Variants in RAB9B observed in about 807,000 individuals in gnomAD.
RAB9B encodes the protein RAB9B, member RAS oncogene family, also known as ras-related protein Rab-9B.
RAB9B carries 1 observed loss-of-function variant against 8.9 expected under a neutral mutation model. The ratio of observed to expected loss-of-function variants is 0.11; its 90% CI spans 0.04 to 0.53. The LOEUF is 0.53. Ranked by LOEUF, RAB9B falls within the 20% of genes least tolerant of loss-of-function variation. The pLI, the probability that RAB9B is intolerant of heterozygous loss-of-function variation, is 0.93. For missense variants in RAB9B, 82 were observed against 152.9 expected, an observed-to-expected ratio of 0.54 and a Z score of 2.45; for synonymous variants, 63 against 57.0, an observed-to-expected ratio of 1.10 and a Z score of -0.47.
At chrX:103,804,288 T>C in the RAB9B span, among the ~76,000 whole-genome samples, 1 of 112,397 alleles carries the variant, frequency 8.9e-6, no homozygotes, top group East Asian at 2.8e-4. Context: ...GGCAGTCTTT[T>C]TGAAAATAGA....
At chrX:103,805,897 A>G in the RAB9B span, among the ~76,000 whole-genome samples, 1 of 110,634 alleles carries the variant, frequency 9.0e-6, no homozygotes, top group East Asian at 2.8e-4. Flanking sequence ...GATTTTCTCT[A>G]TTGCTTTTCT....
chrX:103,784,366 G>A, the RAB9B span, among the ~76,000 whole-genome samples: 9 of 111,684 alleles, frequency 8.1e-5, no homozygotes, highest in Non-Finnish European at 1.5e-4. Flanking sequence ...GAATCTCAGC[G>A]TATAACTGAG....
the RAB9B span, among the ~76,000 whole-genome samples, chrX:103,797,675 G>A: frequency 1.8e-5 from 2 of 111,418 alleles, no homozygotes; most frequent in Non-Finnish European, 1.9e-5. Context: ...GAACAGAGGT[G>A]TGGGTTTTGG....
At chrX:103,809,736 A>G in the RAB9B span, among the ~76,000 whole-genome samples, 6 of 111,338 alleles carry the variant, frequency 5.4e-5, no homozygotes, top group Admixed American at 9.5e-5. Flanking sequence ...GCCATGCAGC[A>G]TGGTAGTTCA....
chrX:103,784,204 A>G, the RAB9B span, among the ~76,000 whole-genome samples: 1 of 111,735 alleles, frequency 8.9e-6, no homozygotes, highest in African/African-American at 3.3e-5. Flanking sequence ...CAACACTGGC[A>G]TAGGGCCTGG....
chrX:103,793,642 C>A, the RAB9B span, among the ~76,000 whole-genome samples: 1 of 103,960 alleles, frequency 9.6e-6, no homozygotes, highest in Non-Finnish European at 2.0e-5. Context: ...GAACCGAAAG[C>A]CAGTTCCCAA....
At chrX:103,808,066 C>T in the RAB9B span, among the ~76,000 whole-genome samples, 203 of 111,779 alleles carry the variant, frequency 1.8e-3, no homozygotes, top group African/African-American at 6.0e-3. Context: ...CTAGTTCTAG[C>T]TCTGGTATTA....
At chrX:103,793,716 T>C in the RAB9B span, among the ~76,000 whole-genome samples, 1 of 110,663 alleles carries the variant, frequency 9.0e-6, no homozygotes, top group East Asian at 2.9e-4. Flanking sequence ...ATAGATGGAG[T>C]TTCTAGGCTC....
At chrX:103,786,257 C>A in the RAB9B span, 23 of 1,121,192 alleles carry the variant, frequency 2.1e-5, no homozygotes, top group Non-Finnish European at 2.7e-5. Flanking sequence ...GCGGGAGGGG[C>A]ATATGTTTCT....
rs2074670156 is a variant in RAB9B at position 103,823,321 on chromosome X, T to C, written c.*1858A>G. 8.9e-6 allele frequency: 1 copy of C among 112,111 alleles called. No homozygotes were observed. The highest frequency in any genetic ancestry group is 9.5e-5 in the Admixed American group (1 of 10,557). The allele number at this position is 112,111 out of a possible 1,213,427, so 9.2% of individuals were successfully genotyped here. A position where few individuals can be genotyped will look rare whatever the true frequency, so the allele number is the denominator to read the frequency against. On this transcript the variant is annotated 3_prime_UTR_variant, in exon 3 of 3. Coordinates refer to ENST00000243298, the MANE Select transcript of RAB9B (RefSeq NM_016370.4). ...GGGTCCCAGTTCTGGCTTTGACTTCTGGCGTCAAAGTTAATTGAACAATGG... is the reference window on the plus strand; with the variant it reads ...GGGTCCCAGTTCTGGCTTTGACTTCCGGCGTCAAAGTTAATTGAACAATGG...
chrX:103,785,716 A>C, the RAB9B span: 1 of 1,210,285 alleles, frequency 8.3e-7, no homozygotes, highest in Admixed American at 2.2e-5. Context: ...AGAAAAGCTA[A>C]TTGAGACCTA....
chrX:103,809,175 T>A, the RAB9B span, among the ~76,000 whole-genome samples: 1 of 112,111 alleles, frequency 8.9e-6, no homozygotes, highest in Non-Finnish European at 1.9e-5. Flanking sequence ...TCTCTCTCGC[T>A]CTCTCTCTGT....
the RAB9B span, among the ~76,000 whole-genome samples, chrX:103,811,204 C>T: frequency 8.9e-6 from 1 of 111,933 alleles, no homozygotes; most frequent in African/African-American, 3.2e-5. Context: ...AATACTCAAG[C>T]ATTGGGTGAA....
chrX:103,831,775 G>A (rs1190790226), intron 1 of RAB9B, among the ~76,000 whole-genome samples: 1 of 109,648 alleles, frequency 9.1e-6, no homozygotes, highest in African/African-American at 3.3e-5. Flanking sequence ...AGAGCTAGTC[G>A]GCTGTGGCGC....
At chrX:103,787,980 C>T in the RAB9B span, 9 of 1,187,402 alleles carry the variant, frequency 7.6e-6, no homozygotes, top group Admixed American at 4.4e-5. Flanking sequence ...AGTTAGGGTA[C>T]GGGTGCTTTG....
chrX:103,807,166 GTTTGC>G, the RAB9B span, among the ~76,000 whole-genome samples: 2 of 112,002 alleles, frequency 1.8e-5, no homozygotes, highest in East Asian at 5.6e-4. Context: ...ACAAATGAGA[GTTTGC>G]TTTGAAGTGC....
intron 2 of RAB9B, among the ~76,000 whole-genome samples, chrX:103,826,463 T>C (rs1285104708): frequency 1.8e-5 from 2 of 112,158 alleles, no homozygotes; most frequent in Admixed American, 1.9e-4. Flanking sequence ...TTGATGACAA[T>C]TGACTGATAT....
At chrX:103,805,384 A>G in the RAB9B span, among the ~76,000 whole-genome samples, 3 of 111,706 alleles carry the variant, frequency 2.7e-5, no homozygotes, top group African/African-American at 9.8e-5. Flanking sequence ...TGCCTGACTC[A>G]GTTTTCTACT....
the RAB9B span, among the ~76,000 whole-genome samples, chrX:103,809,471 T>G: frequency 8.9e-6 from 1 of 111,963 alleles, no homozygotes; most frequent in Non-Finnish European, 1.9e-5. Context: ...CGGCTAATTT[T>G]GTATTTTTAA....
Sources: allele counts gnomAD v4.1 joint callset (sites outside exome capture counted in the v4.1 genomes callset), GRCh38; gene constraint gnomAD v4.1.1; transcripts MANE v1.5; gene names NCBI Gene and HGNC (gene_info 2026-07-23, HGNC 2026-07-21).